MGLL: variants seen among roughly 807,000 people sequenced by gnomAD.
MGLL encodes monoglyceride lipase, also known as lysophospholipase homolog.
Under a neutral mutation model 29.1 loss-of-function variants are expected in MGLL, and 7 were observed. That is an observed-to-expected ratio of 0.24 (90% CI 0.14 to 0.45). The LOEUF (loss-of-function observed/expected upper bound fraction) is 0.45, where lower values mean the gene tolerates loss of function less well. MGLL is among the 20% of genes least tolerant of loss of function. The pLI, the probability that MGLL is intolerant of heterozygous loss-of-function variation, is 0.99. For synonymous variants in MGLL, 148 were observed against 168.3 expected (o/e 0.88, Z 0.93); for missense variants, 356 against 413.6 (o/e 0.86, Z 1.21).
chr3:127,775,891 G>T (rs779777016), intron 3 of MGLL, among the ~76,000 whole-genome samples: 1 of 152,186 alleles, frequency 6.6e-6, no homozygotes, highest in African/African-American at 2.4e-5. Flanking sequence ...CCCTCCTCCC[G>T]GAGTCCTCCT....
At chr3:127,737,040 A>G (rs1264931703) in intron 3 of MGLL, among the ~76,000 whole-genome samples, 2 of 152,238 alleles carry the variant, frequency 1.3e-5, no homozygotes, top group East Asian at 1.9e-4. Flanking sequence ...AAGAGTCACC[A>G]TCTACCAGTT....
At chr3:127,774,692 A>T (rs1320179870) in intron 3 of MGLL, among the ~76,000 whole-genome samples, 1 of 151,714 alleles carries the variant, frequency 6.6e-6, no homozygotes, top group Non-Finnish European at 1.5e-5. Flanking sequence ...TGTTACACAC[A>T]CTCTCTCAGG....
At chr3:127,725,038 C>G (rs1203500638) in intron 3 of MGLL, among the ~76,000 whole-genome samples, 1 of 152,066 alleles carries the variant, frequency 6.6e-6, no homozygotes, top group Non-Finnish European at 1.5e-5. Flanking sequence ...CCCCTCCCTC[C>G]TTAAGGGGTG....
rs913463058 is a variant in MGLL, at chr3:127,765,358, C to T, written c.262+16431G>A. 4.6e-5 allele frequency among the ~76,000 whole-genome samples: 7 copies of T among 152,314 alleles called. 1 individual carries two copies. Among genetic ancestry groups the T allele is most frequent in the South Asian group, 2.1e-4 (1 of 4,824 alleles). On this transcript the variant is annotated intron_variant, in intron 3 of 7. Transcript: ENST00000265052. ...ATGAATAATTTTGAATGAATGACTA[C>T]GCCTTTGGGGTAAATTCCTTCTGAA...
intron 7 of MGLL, among the ~76,000 whole-genome samples, chr3:127,692,593 C>T (rs812156): frequency 0.52 from 79,074 of 151,956 alleles, 20,935 homozygotes; most frequent in East Asian, 0.66. Flanking sequence ...TCCCTGGACC[C>T]GTTTCTGTGT....
chr3:127,819,422 A>G (rs1224601940), intron 2 of MGLL, among the ~76,000 whole-genome samples: 1 of 152,162 alleles, frequency 6.6e-6, no homozygotes, highest in Admixed American at 6.5e-5. Context: ...TAGGGTCTCT[A>G]TGAGAAAGAT....
At chr3:127,821,980 A>G (rs2077869665) in intron 1 of MGLL, 142 bp from the exon 2 acceptor site, 11 of 911,320 alleles carry the variant, frequency 1.2e-5, no homozygotes, top group South Asian at 1.9e-5. Context: ...TTTAAAACAT[A>G]CATACATTTC....
chr3:127,814,613 A>AT lies in MGLL; in HGVS notation c.155+7080dup, dbSNP rs201525222. ...TATTCAGGGAGCAGCTTATTCTGCT[A>AT]TTTTTTTTCTTCGACTCTACTGCAA... is the stretch of plus-strand genomic sequence containing the variant. On this transcript the variant is annotated intron_variant, in intron 2 of 7. Transcript: ENST00000265052. Among the ~76,000 whole-genome samples the AT allele has an allele frequency of 8.9e-3, 1,354 of 152,214 alleles. 31 individuals carry two copies. The South Asian group carries it at 0.11, about 12-fold the overall frequency.
At chr3:127,816,393 C>G (rs575497058) in intron 2 of MGLL, among the ~76,000 whole-genome samples, 2 of 152,292 alleles carry the variant, frequency 1.3e-5, no homozygotes, top group South Asian at 2.1e-4. Flanking sequence ...GAAGGAAAAG[C>G]CAGTCCCACC....
Position 127,713,048 on chromosome 3 carries a change from G to C in MGLL, c.511-2383C>G, listed in dbSNP as rs996791958. ...TGGCTGTGTAAGGACGAGTGTTCCA[G>C]GGCCTTAGCGCTCTCCTCCAGCAGC... On this transcript the variant is annotated intron_variant, in intron 5 of 7. Transcript: ENST00000265052. 2.0e-5 allele frequency: 3 copies of C among 152,326 alleles called. No homozygotes were observed. The East Asian group carries it at 5.8e-4, about 29-fold the overall frequency. The allele number at this position is 152,326 out of a possible 1,614,324, so 9.4% of individuals were successfully genotyped here. A position where few individuals can be genotyped will look rare whatever the true frequency, so the allele number is the denominator to read the frequency against.
rs867668095 is a variant in MGLL at position 127,705,552 on chromosome 3, T to G, written c.600+5024A>C. On this transcript the variant is annotated intron_variant, in intron 6 of 7. Transcript: ENST00000265052. ...AGCACTTTGGGAGGCTGAGGCGGGC[T>G]GATCACCTGAGGTCAGGAGTTCGAG... is the stretch of plus-strand genomic sequence containing the variant. Among the ~76,000 whole-genome samples, 17 of 151,928 alleles carry G rather than the reference T, an allele frequency of 1.1e-4. No homozygotes were observed. In the South Asian group the frequency reaches 2.7e-3, roughly 24 times the overall value.
intron 2 of MGLL, among the ~76,000 whole-genome samples, chr3:127,810,655 A>T (rs959314169): frequency 1.3e-5 from 2 of 152,170 alleles, no homozygotes; most frequent in African/African-American, 4.8e-5. Context: ...TCATTTCTTT[A>T]TCTCCAAACT....
intron 2 of MGLL, among the ~76,000 whole-genome samples, chr3:127,813,212 G>C (rs1483784851): frequency 6.6e-6 from 1 of 151,598 alleles, no homozygotes; most frequent in Non-Finnish European, 1.5e-5. Context: ...TTTGTTTGGG[G>C]CCCCCTCATA....
chr3:127,751,572 G>T (rs1407474509), intron 3 of MGLL, among the ~76,000 whole-genome samples: 2 of 151,798 alleles, frequency 1.3e-5, no homozygotes, highest in East Asian at 3.9e-4. Context: ...TGTGTGAGGG[G>T]CCCAGCTGAG....
upstream of MGLL, chr3:127,822,729 T>G: frequency 4.5e-6 from 1 of 223,002 alleles, no homozygotes; most frequent in African/African-American, 2.3e-5. Context: ...CTCACAAACT[T>G]TGCTTCCTGT....
At chr3:127,801,483 G>C (rs2077479314) in intron 2 of MGLL, among the ~76,000 whole-genome samples, 1 of 151,308 alleles carries the variant, frequency 6.6e-6, no homozygotes, top group African/African-American at 2.4e-5. Context: ...AGGCCTGGTG[G>C]TGCATGCCTG....
At chr3:127,721,196 C>T (rs748394827) in intron 4 of MGLL, 33 bp from the exon 5 acceptor site, 16 of 1,575,210 alleles carry the variant, frequency 1.0e-5, no homozygotes, top group Middle Eastern at 1.7e-4. Flanking sequence ...CTGCTGTGTT[C>T]GGCTTGCACC....
intron 3 of MGLL, among the ~76,000 whole-genome samples, chr3:127,726,862 A>G (rs1314740334): frequency 6.6e-6 from 1 of 152,252 alleles, no homozygotes; most frequent in Admixed American, 6.5e-5. Context: ...GCTTAGTGAC[A>G]TTCTCTTCAA....
At chr3:127,726,187 A>AG (rs1559926390) in intron 3 of MGLL, among the ~76,000 whole-genome samples, 1 of 58,654 alleles carries the variant, frequency 1.7e-5, no homozygotes, top group Non-Finnish European at 4.1e-5. Flanking sequence ...AAAGAAAGAA[A>AG]AGAAAAGAAA....
Sources: gnomAD v4.1 joint callset for allele counts (sites outside exome capture counted in the v4.1 genomes callset) on GRCh38, gnomAD v4.1.1 for gene constraint, MANE v1.5 for transcripts, NCBI Gene and HGNC (gene_info 2026-07-23, HGNC 2026-07-21) for gene names.